Variants in ZNF786 observed in about 807,000 individuals in gnomAD.
ZNF786 encodes zinc finger protein 786.
In ZNF786, 56 loss-of-function variants were observed where a neutral mutation model predicts 63.1. That is an observed-to-expected ratio of 0.89 (90% CI 0.72 to 1.11). The LOEUF is 1.11. Among genes scored for constraint, ZNF786 ranks in the 50% least tolerant of loss-of-function variants. The pLI, the probability that ZNF786 is intolerant of heterozygous loss-of-function variation, is 0.00. For missense variants in ZNF786, 1,213 were observed against 1,041.8 expected (o/e 1.16, Z -2.26); for synonymous variants, 485 against 406.9 (o/e 1.19, Z -2.31).
chr7:149,070,880 CGATA>C lies in ZNF786; in HGVS notation c.1888_1891del (p.Tyr630AlafsTer2). The C allele has an allele frequency of 6.2e-7, 1 of 1,613,430 alleles. No individual in the cohort carries two copies. Among genetic ancestry groups the C allele is most frequent in the Non-Finnish European group, 8.5e-7 (1 of 1,179,888 alleles). On this transcript the variant is annotated frameshift_variant, in exon 4 of 4. Transcript: ENST00000491431. LOFTEE classifies it high-confidence loss of function. ...GTGGGCCTTCATGTCGGCCTTCACGCGATAGCGCTTGTCGCACTCCGGACACTGG... is the reference window on the plus strand; with the variant it reads ...GTGGGCCTTCATGTCGGCCTTCACGCGCGCTTGTCGCACTCCGGACACTGG...
rs779090707 is a variant in ZNF786 at position 149,088,127 on chromosome 7, C to T, written c.18+2496G>A. Among the ~76,000 whole-genome samples the T allele has an allele frequency of 5.3e-5, 8 of 151,978 alleles. 1 individual carries two copies. Among genetic ancestry groups the T allele is most frequent in the African/African-American group, 1.7e-4 (7 of 41,452 alleles). On this transcript the variant is annotated intron_variant, in intron 1 of 3. Coordinates refer to ENST00000491431, the MANE Select transcript of ZNF786 (RefSeq NM_152411.4). Reference sequence around the variant, plus strand: ...AAGTGATTCTCCTGCCTCAGCCTCTCGAGTATCTGGGATTACAGGTGCCCG... The same window carrying T: ...AAGTGATTCTCCTGCCTCAGCCTCTTGAGTATCTGGGATTACAGGTGCCCG...
intron 1 of ZNF786, among the ~76,000 whole-genome samples, chr7:149,082,347 G>C (rs999154654): frequency 2.0e-5 from 3 of 152,210 alleles, no homozygotes; most frequent in Non-Finnish European, 2.9e-5. Flanking sequence ...AACTGCATTA[G>C]AAAAAATGCA....
In ZNF786 at chr7:149,070,709, T is replaced by C; in HGVS notation, c.2063A>G (p.Lys688Arg). 1 of 1,613,836 alleles carries C rather than the reference T, an allele frequency of 6.2e-7. No individual in the cohort carries two copies. The highest frequency in any genetic ancestry group is 1.7e-5 in the Admixed American group (1 of 60,024). Residue 688 changes from lysine to arginine, a missense_variant, in exon 4 of 4, where the codon AAG (lysine) becomes AGG (arginine). Physicochemically the swap from Lys to Arg is conservative, Grantham distance 26. Transcript: ENST00000491431. The part of the protein sequence containing the change: ...CPKCDKSFRL[K>R]AQLLSHQGLH... The stretch of plus-strand genomic sequence containing the variant: ...GCCCTGATGGCTGAGCAGCTGCGCC[T>C]TCAGGCGGAAACTCTTGTCACACTT...
intron 1 of ZNF786, among the ~76,000 whole-genome samples, chr7:149,081,575 T>C (rs1187125916): frequency 6.6e-6 from 1 of 151,024 alleles, no homozygotes; most frequent in African/African-American, 2.4e-5. Flanking sequence ...ATAGATAACA[T>C]CAGATTGCCT....
intron 1 of ZNF786, among the ~76,000 whole-genome samples, chr7:149,087,593 G>C (rs1405280537): frequency 1.3e-5 from 2 of 152,172 alleles, no homozygotes; most frequent in Admixed American, 1.3e-4. Context: ...GAACTGGGCT[G>C]CATAGACATA....
rs74496698 is a variant in ZNF786, at chr7:149,070,213, A to G, written c.*210T>C. On this transcript the variant is annotated 3_prime_UTR_variant, in exon 4 of 4. Coordinates refer to ENST00000491431, the MANE Select transcript of ZNF786 (RefSeq NM_152411.4). Reference sequence around the variant, plus strand: ...GTGACAGAGCAAAACTCCATCTTGGAAAAAAAAAAAAAAAAGAAAGAAATA... The same window carrying G: ...GTGACAGAGCAAAACTCCATCTTGGGAAAAAAAAAAAAAAAGAAAGAAATA... 4.6e-4 allele frequency: 73 copies of G among 160,328 alleles called. No homozygotes were observed. The highest frequency in any genetic ancestry group is 3.0e-3 in the Middle Eastern group (1 of 336). 9.9% of individuals were successfully genotyped at this position (160,328 alleles called of 1,614,324 possible).
Position 149,071,581 on chromosome 7 carries a change from G to T in ZNF786, c.1191C>A (p.Phe397Leu), listed in dbSNP as rs200421697. 6 of 1,610,820 alleles carry T rather than the reference G, an allele frequency of 3.7e-6. No homozygotes were observed. The East Asian group carries it at 6.7e-5, about 18-fold the overall frequency. The change falls in exon 4 of 4, where the codon TTC (phenylalanine) becomes TTA (leucine). Residue 397 changes from phenylalanine to leucine, a missense_variant. Phe to Leu is a conservative substitution (Grantham distance 22). Transcript: ENST00000491431. ...AGCGCTTGGTGCAATGCGCACACTG[G>T]AAGGGCTTTTCTCCAGTATGCGCCC... is the stretch of plus-strand genomic sequence containing the variant. ...PCRAHTGEKP[F>L]QCAHCTKRFR...
chr7:149,070,998 G>T lies in ZNF786; in HGVS notation c.1774C>A (p.Pro592Thr). 1 of 1,613,138 alleles carries T rather than the reference G, an allele frequency of 6.2e-7. No individual in the cohort carries two copies. The highest frequency in any genetic ancestry group is 8.5e-7 in the Non-Finnish European group (1 of 1,179,952). Reference protein sequence around the residue: ...EHLRVHSGERPFQCPECNRSF... With the variant: ...EHLRVHSGERTFQCPECNRSF... The stretch of plus-strand genomic sequence containing the variant: ...CTGTTGCACTCTGGGCACTGGAAGG[G>T]TCTCTCCCCGCTGTGCACGCGCAAG... Residue 592 changes from proline to threonine, a missense_variant, in exon 4 of 4, where the codon CCC (proline) becomes ACC (threonine). Transcript: ENST00000491431.
At chr7:149,074,594 G>T in intron 2 of ZNF786, 56 bp from the exon 3 acceptor site, 4 of 1,521,712 alleles carry the variant, frequency 2.6e-6, no homozygotes, top group South Asian at 1.3e-5. Context: ...AGCACACTAA[G>T]TTTCTAAATT....
At chr7:149,072,685 GA>G (rs908680294) in intron 3 of ZNF786, among the ~76,000 whole-genome samples, 10 of 152,114 alleles carry the variant, frequency 6.6e-5, no homozygotes, top group Admixed American at 5.2e-4. Context: ...GGATAATATT[GA>G]AAAAAGGAAA....
At chr7:149,076,721 A>G (rs76402361) in intron 2 of ZNF786, among the ~76,000 whole-genome samples, 73,249 of 130,266 alleles carry the variant, frequency 0.56, 21,897 homozygotes, top group East Asian at 0.89. Flanking sequence ...TCCATCTTGA[A>G]AAAAAAAAAA....
chr7:149,077,712 G>A (rs188927811), intron 2 of ZNF786, among the ~76,000 whole-genome samples: 1 of 152,038 alleles, frequency 6.6e-6, no homozygotes, highest in Non-Finnish European at 1.5e-5. Flanking sequence ...CCAGAACTTG[G>A]GGAGGCCAAG....
rs1201378252 is a variant in ZNF786 at position 149,086,874 on chromosome 7, C to T, written c.18+3749G>A. Among the ~76,000 whole-genome samples, 13 of 149,774 alleles carry T rather than the reference C, an allele frequency of 8.7e-5. No individual in the cohort carries two copies. The East Asian group carries it at 2.0e-3, about 23-fold the overall frequency. On this transcript the variant is annotated intron_variant, in intron 1 of 3. Transcript: ENST00000491431. ...TTTTTTTTTTTGAGATAGAGTCTTGCTCCATCGCCCAGGCAGGCTGAAATG... is the reference window on the plus strand; with the variant it reads ...TTTTTTTTTTTGAGATAGAGTCTTGTTCCATCGCCCAGGCAGGCTGAAATG...
rs1379458615 is a variant in ZNF786, at chr7:149,071,364, G to A, written c.1408C>T (p.Arg470Trp). 5 of 1,612,824 alleles carry A rather than the reference G, an allele frequency of 3.1e-6. No homozygotes were observed. Among genetic ancestry groups the A allele is most frequent in the South Asian group, 2.2e-5 (2 of 91,032 alleles). ...RNFRQRGQLL[R>W]HQRLHTDEKP... is the part of the protein sequence containing the mutation. ...TCGTCCGTGTGCAGCCGCTGGTGCC[G>A]CAGCAGCTGTCCCCTCTGACGGAAG... Residue 470 changes from arginine (R) to tryptophan (W), a missense_variant, in exon 4 of 4, where the codon CGG becomes TGG. Physicochemically the swap from Arg to Trp is moderately radical, Grantham distance 101 (BLOSUM62 -3). Transcript: ENST00000491431.
intron 1 of ZNF786, among the ~76,000 whole-genome samples, chr7:149,088,747 G>C (rs7778328): frequency 0.011 from 1,618 of 152,136 alleles, 23 homozygotes; most frequent in African/African-American, 0.037. Context: ...AAGTTCTTGT[G>C]GTTCCTCTCT....
chr7:149,081,116 T>C, intron 1 of ZNF786: 1 of 457,322 alleles, frequency 2.2e-6, no homozygotes, highest in Non-Finnish European at 4.4e-6. Flanking sequence ...ACCCCACTGA[T>C]GGGACATATA....
chr7:149,078,508 A>G (rs1585466069), intron 2 of ZNF786, among the ~76,000 whole-genome samples: 1 of 151,996 alleles, frequency 6.6e-6, no homozygotes, highest in East Asian at 2.0e-4. Context: ...AACATGGAGA[A>G]ACCCCGTCTC....
rs1585457624 is a variant in ZNF786, at chr7:149,069,764, C to G, written c.*659G>C. ...TCAGCTTCAGGAGTAGCTGGGACTA[C>G]TGGTGTGTACCACCATGCCTGGCTA... On this transcript the variant is annotated 3_prime_UTR_variant, in exon 4 of 4. Coordinates refer to ENST00000491431, the MANE Select transcript of ZNF786 (RefSeq NM_152411.4). 1 of 152,452 alleles carries G rather than the reference C, an allele frequency of 6.6e-6. No individual in the cohort carries two copies. Among genetic ancestry groups the G allele is most frequent in the East Asian group, 1.9e-4 (1 of 5,194 alleles). The allele number at this position is 152,452 out of a possible 1,614,324, so 9.4% of individuals were successfully genotyped here. A position where few individuals can be genotyped will look rare whatever the true frequency, so the allele number is the denominator to read the frequency against.
rs562487259 is a variant in ZNF786, at chr7:149,078,457, G to A, written c.145+2134C>T. Among the ~76,000 whole-genome samples the A allele has an allele frequency of 1.2e-4, 19 of 152,154 alleles. No homozygotes were observed. The South Asian group carries it at 3.7e-3, about 30-fold the overall frequency. ...CCCAGCACTTTGGGAGACCAAGGTG[G>A]GTGAATCACCTGAGGTCGGGAGTTT... On this transcript the variant is annotated intron_variant, in intron 2 of 3. Transcript: ENST00000491431.
Sources: allele counts gnomAD v4.1 joint callset (sites outside exome capture counted in the v4.1 genomes callset), GRCh38; gene constraint gnomAD v4.1.1; transcripts MANE v1.5; gene names NCBI Gene and HGNC (gene_info 2026-07-23, HGNC 2026-07-21).